The following NPAS2 variants were observed in gnomAD, a reference collection of about 807,000 sequenced individuals.
The protein encoded by NPAS2 is neuronal PAS domain protein 2, also known as neuronal PAS domain-containing protein 2.
In NPAS2, 23 loss-of-function variants were observed where a neutral mutation model predicts 107.5. That is an observed-to-expected ratio of 0.21 (90% CI 0.15 to 0.30). The LOEUF (loss-of-function observed/expected upper bound fraction) is 0.30. Among genes scored for constraint, NPAS2 ranks in the 10% least tolerant of loss-of-function variants. The pLI is 1.00. For synonymous variants in NPAS2, 403 were observed against 417.5 expected (o/e 0.97, Z 0.42); for missense variants, 756 against 1,043.3 (o/e 0.72, Z 3.79).
At position 100,995,975 on chromosome 2, in the gene NPAS2, T is replaced by C; in HGVS notation, c.*393T>C. 7.7e-7 allele frequency: 1 copy of C among 1,305,126 alleles called. No individual in the cohort carries two copies. The highest frequency in any genetic ancestry group is 1.3e-5 in the South Asian group (1 of 77,004). The allele number at this position is 1,305,126 out of a possible 1,614,324, so 80.8% of individuals were successfully genotyped here. On this transcript the variant is annotated 3_prime_UTR_variant, in exon 21 of 21. Coordinates refer to ENST00000335681, the MANE Select transcript of NPAS2 (RefSeq NM_002518.4). ...GCTGGCCTTCACGCTCTTGATCGTC[T>C]TTCCTTTGTATTGGAGAAGGACTGG...
intron 1 of NPAS2, among the ~76,000 whole-genome samples, chr2:100,838,757 G>A (rs1270935543): frequency 6.6e-6 from 1 of 152,196 alleles, no homozygotes; most frequent in East Asian, 1.9e-4. Flanking sequence ...ATAATCGGAG[G>A]AGATAATGAG....
intron 17 of NPAS2, chr2:100,988,749 C>G: frequency 3.3e-6 from 1 of 304,242 alleles, no homozygotes; most frequent in East Asian, 1.3e-4. Context: ...CCTGCTCCTC[C>G]AGGCCCCCAC....
At chr2:100,835,367 CCTT>C in intron 1 of NPAS2, among the ~76,000 whole-genome samples, 1 of 152,250 alleles carries the variant, frequency 6.6e-6, no homozygotes, top group East Asian at 1.9e-4. Flanking sequence ...TCTGAACCTG[CCTT>C]CTTTAGCTTC....
intron 12 of NPAS2, among the ~76,000 whole-genome samples, chr2:100,973,011 TC>T (rs1293874251): frequency 1.3e-5 from 2 of 152,000 alleles, no homozygotes; most frequent in Non-Finnish European, 2.9e-5. Context: ...AAACCCCGTC[TC>T]CACTAAAAAT....
chr2:100,939,231 G>A (rs1447010581), intron 5 of NPAS2, among the ~76,000 whole-genome samples: 4 of 152,140 alleles, frequency 2.6e-5, no homozygotes, highest in African/African-American at 9.7e-5. Flanking sequence ...CTTTGCATTC[G>A]CTGAGCGGTG....
intron 16 of NPAS2, chr2:100,985,082 G>A (rs976216459): frequency 2.6e-5 from 4 of 152,144 alleles, no homozygotes; most frequent in African/African-American, 9.7e-5. Context: ...GACACCTGTA[G>A]CAATGGCAAA....
In NPAS2 at chr2:100,948,502, T is replaced by C. The variant is rs1250085010; in HGVS notation, c.484+147T>C. On this transcript the variant is annotated intron_variant, in intron 6 of 20. Transcript: ENST00000335681. Reference sequence around the variant, plus strand: ...CATTTCCAAGATCCTTAGAGGTATATTTTAGGTTTAAAGCTAAAACTGGAA... The same window carrying C: ...CATTTCCAAGATCCTTAGAGGTATACTTTAGGTTTAAAGCTAAAACTGGAA... 4 of 769,422 alleles carry C rather than the reference T, an allele frequency of 5.2e-6. No homozygotes were observed. In the South Asian group the frequency reaches 1.1e-4, roughly 20 times the overall value. 47.7% of individuals were successfully genotyped at this position (769,422 alleles called of 1,614,324 possible). A position where few individuals can be genotyped will look rare whatever the true frequency, so the allele number is the denominator to read the frequency against.
intron 2 of NPAS2, among the ~76,000 whole-genome samples, chr2:100,909,784 G>C (rs1322879777): frequency 2.6e-5 from 4 of 151,702 alleles, no homozygotes; most frequent in African/African-American, 9.7e-5. Flanking sequence ...TTGTGAGAAC[G>C]CAGGAGGTAA....
At chr2:100,991,645 G>C (rs562233793) in intron 19 of NPAS2, among the ~76,000 whole-genome samples, 6 of 152,358 alleles carry the variant, frequency 3.9e-5, no homozygotes, top group African/African-American at 1.4e-4. Context: ...AGTAACGGCA[G>C]ATGGTTACTG....
chr2:100,868,451 G>A (rs777137966), intron 1 of NPAS2, among the ~76,000 whole-genome samples: 11 of 152,172 alleles, frequency 7.2e-5, no homozygotes, highest in Non-Finnish European at 1.5e-4. Context: ...CAGTGTCATG[G>A]TGATTGTCTC....
At chr2:100,902,832 A>T (rs1306350476) in intron 1 of NPAS2, among the ~76,000 whole-genome samples, 2 of 152,192 alleles carry the variant, frequency 1.3e-5, no homozygotes, top group Non-Finnish European at 2.9e-5. Flanking sequence ...CTCAGCTTAG[A>T]GGCCCTCTCC....
chr2:100,907,273 C>G (rs1236174918), intron 2 of NPAS2, among the ~76,000 whole-genome samples: 1 of 152,026 alleles, frequency 6.6e-6, no homozygotes, highest in Admixed American at 6.6e-5. Flanking sequence ...AGTTTGTATG[C>G]AGTTTCTTTT....
chr2:100,955,212 A>T (rs1300734088), intron 7 of NPAS2, among the ~76,000 whole-genome samples: 3 of 152,122 alleles, frequency 2.0e-5, no homozygotes, highest in Admixed American at 2.0e-4. Flanking sequence ...TACTGTGAAA[A>T]GTCTTAGTGT....
chr2:100,943,583 G>A (rs1674711799), intron 5 of NPAS2, among the ~76,000 whole-genome samples: 1 of 152,208 alleles, frequency 6.6e-6, no homozygotes, highest in Admixed American at 6.5e-5. Context: ...GACCACACAG[G>A]GCCACAGGGG....
Position 100,965,072 on chromosome 2 carries a change from A to T in NPAS2, c.800+129A>T. On this transcript the variant is annotated intron_variant, in intron 9 of 20. Coordinates refer to ENST00000335681, the MANE Select transcript of NPAS2 (RefSeq NM_002518.4). The surrounding 1 kb of genome is among the most constrained non-coding windows in gnomAD (Gnocchi z 4.3). ...GAGGAGGACTCTCTGGCACTAGGAAAAGTCGTCCCTGCCAAGGGTGGGTGG... is the reference window on the plus strand; with the variant it reads ...GAGGAGGACTCTCTGGCACTAGGAATAGTCGTCCCTGCCAAGGGTGGGTGG... 1 of 591,690 alleles carries T rather than the reference A, an allele frequency of 1.7e-6. No individual in the cohort carries two copies. The highest frequency in any genetic ancestry group is 2.4e-5 in the South Asian group (1 of 41,392). The allele number at this position is 591,690 out of a possible 1,614,324, so 36.7% of individuals were successfully genotyped here.
In NPAS2 at chr2:100,907,297, C is replaced by T. The variant is rs140313661; in HGVS notation, c.32+2511C>T. Among the ~76,000 whole-genome samples the T allele has an allele frequency of 1.1e-4, 17 of 152,204 alleles. 1 individual carries two copies. The East Asian group carries it at 3.3e-3, about 29-fold the overall frequency. On this transcript the variant is annotated intron_variant, in intron 2 of 20. Transcript: ENST00000335681. ...GCAGTTTCTTTTCATTCATTCCCCT[C>T]CCCATTTGCTTTGGGCCATAAGCAT...
chr2:100,863,436 G>T (rs1679062600), intron 1 of NPAS2, among the ~76,000 whole-genome samples: 1 of 152,230 alleles, frequency 6.6e-6, no homozygotes, highest in Non-Finnish European at 1.5e-5. Flanking sequence ...CTGGCAGATA[G>T]AAAGATGTGC....
At chr2:100,938,643 G>T in intron 5 of NPAS2, among the ~76,000 whole-genome samples, 1 of 81,608 alleles carries the variant, frequency 1.2e-5, no homozygotes, top group South Asian at 4.7e-4. Flanking sequence ...CCCAACACAG[G>T]ATGAAGTGAC....
At chr2:100,941,728 C>T (rs1269760982) in intron 5 of NPAS2, among the ~76,000 whole-genome samples, 1 of 152,082 alleles carries the variant, frequency 6.6e-6, no homozygotes. Context: ...CGGGAGAGAT[C>T]CAAGGGGCAT....
Sources: allele counts gnomAD v4.1 joint callset (sites outside exome capture counted in the v4.1 genomes callset), GRCh38; gene constraint gnomAD v4.1.1; non-coding constraint Gnocchi (gnomAD v3.1); transcripts MANE v1.5; gene names NCBI Gene and HGNC (gene_info 2026-07-23, HGNC 2026-07-21).